Variants in RHOC observed in about 807,000 individuals in gnomAD.
The protein encoded by RHOC is rho-related GTP-binding protein RhoC.
A neutral mutation model predicts 19.5 loss-of-function variants in RHOC; 13 were observed. That is an observed-to-expected ratio of 0.67 (90% CI 0.43 to 1.06). The LOEUF is 1.06. RHOC is among the 50% of genes least tolerant of loss of function. The probability of loss-of-function intolerance (pLI) is 0.00; values close to 1 mark genes in which losing one functional copy is unlikely to be tolerated. For synonymous variants in RHOC, 106 were observed against 97.3 expected (o/e 1.09, Z -0.52); for missense variants, 173 against 256.9 (o/e 0.67, Z 2.23).
chr1:112,705,136 AG>A lies in RHOC; in HGVS notation c.-45del, dbSNP rs1172445337. On this transcript the variant is annotated 5_prime_UTR_variant, in exon 2 of 6. Coordinates refer to ENST00000339083, the MANE Select transcript of RHOC (RefSeq NM_175744.5). ...TGAAGTTCCCAGGCTGCAGGAAGAG[AG>A]GGCGGGCTCTGGAGCTGAGATGAAG... The A allele has an allele frequency of 1.4e-6, 1 of 702,298 alleles. No homozygotes were observed. The highest frequency in any genetic ancestry group is 2.6e-6 in the Non-Finnish European group (1 of 384,838). 43.5% of individuals were successfully genotyped at this position (702,298 alleles called of 1,614,324 possible). A position where few individuals can be genotyped will look rare whatever the true frequency, so the allele number is the denominator to read the frequency against.
In RHOC at chr1:112,701,651, A is replaced by C. The variant is rs569211258; in HGVS notation, c.471T>G (p.Leu157=). The C allele has an allele frequency of 1.2e-5, 20 of 1,614,056 alleles. No individual in the cohort carries two copies. In the African/African-American group the frequency reaches 2.4e-4, roughly 19 times the overall value. The stretch of plus-strand genomic sequence containing the variant: ...CCTCCTTGGTCTTGGCTGAGCACTC[A>C]AGGTAGCCAAAGGCACTGATCCGGT... The part of the protein sequence containing the change: ...MANRISAFGY[L]ECSAKTKEGV... Residue 157 remains leucine (L), a synonymous_variant, in exon 6 of 6, where the codon CTT becomes CTG. Coordinates refer to ENST00000339083, the MANE Select transcript of RHOC (RefSeq NM_175744.5).
chr1:112,706,474 A>C (rs1282626653), intron 1 of RHOC, among the ~76,000 whole-genome samples: 3 of 3,344 alleles, frequency 9.0e-4, no homozygotes, highest in Non-Finnish European at 2.7e-3. Context: ...CCACACACAC[A>C]CACACACACA....
intron 4 of RHOC, 40 bp from the exon 5 acceptor site, chr1:112,702,733 T>G: frequency 6.2e-7 from 1 of 1,612,382 alleles, no homozygotes; most frequent in Non-Finnish European, 8.5e-7. Context: ...TGCCTCCACT[T>G]AAGCTAGAAA....
intron 1 of RHOC, among the ~76,000 whole-genome samples, chr1:112,706,447 ACACACACACACACACAC>A: frequency 6.0e-5 from 2 of 33,516 alleles, no homozygotes; most frequent in African/African-American, 1.7e-4. Context: ...ACACACACAC[ACACACACACACACACAC>A]CACACACACA....
chr1:112,702,037 C>T (rs1233537658), intron 5 of RHOC, among the ~76,000 whole-genome samples: 1 of 152,194 alleles, frequency 6.6e-6, no homozygotes, highest in Non-Finnish European at 1.5e-5. Context: ...AACACACAGA[C>T]CTAACATCTC....
rs1674795419 is a variant in RHOC, at chr1:112,705,116, T to C, written c.-24A>G. 2.8e-6 allele frequency: 2 copies of C among 702,328 alleles called. No homozygotes were observed. Among genetic ancestry groups the C allele is most frequent in the Non-Finnish European group, 5.2e-6 (2 of 384,796 alleles). 43.5% of individuals were successfully genotyped at this position (702,328 alleles called of 1,614,324 possible). On this transcript the variant is annotated 5_prime_UTR_variant, in exon 2 of 6. Coordinates refer to ENST00000339083, the MANE Select transcript of RHOC (RefSeq NM_175744.5). ...GGAACTGACCTCCAGCCGGCTGAAGTTCCCAGGCTGCAGGAAGAGAGGGCG... is the reference window on the plus strand; with the variant it reads ...GGAACTGACCTCCAGCCGGCTGAAGCTCCCAGGCTGCAGGAAGAGAGGGCG...
Position 112,706,504 on chromosome 1 carries a change from A to C in RHOC, c.-77+574T>G, listed in dbSNP as rs917423405. ...CACACACACACACACACACACACACACACACACACACACACACACACACAC... is the reference window on the plus strand; with the variant it reads ...CACACACACACACACACACACACACCCACACACACACACACACACACACAC... On this transcript the variant is annotated intron_variant, in intron 1 of 5. Transcript: ENST00000339083. Among the ~76,000 whole-genome samples, 141 of 66,294 alleles carry C rather than the reference A, an allele frequency of 2.1e-3. 3 individuals are homozygous for C. Among genetic ancestry groups the C allele is most frequent in the Admixed American group, 3.0e-3 (16 of 5,400 alleles). 43.5% of individuals were successfully genotyped at this position (66,294 alleles called of 152,430 possible). A position where few individuals can be genotyped will look rare whatever the true frequency, so the allele number is the denominator to read the frequency against.
chr1:112,706,515 C>CAA (rs1674894701), intron 1 of RHOC, among the ~76,000 whole-genome samples: 15 of 93,532 alleles, frequency 1.6e-4, no homozygotes, highest in African/African-American at 3.0e-4. Context: ...CACACACACA[C>CAA]ACACACACAC....
chr1:112,702,439 C>G, intron 5 of RHOC, 124 bp downstream of exon 5: 1 of 1,053,428 alleles, frequency 9.5e-7, no homozygotes, highest in African/African-American at 1.6e-5. Context: ...TCCTCCCTCA[C>G]CAGGAGATAT....
intron 1 of RHOC, among the ~76,000 whole-genome samples, chr1:112,706,489 CACACACACA>C (rs1557780782): frequency 0.019 from 569 of 29,370 alleles, 32 homozygotes; most frequent in Middle Eastern, 0.091. Flanking sequence ...CACACACACA[CACACACACA>C]CACACACACA....
chr1:112,706,620 G>C (rs1299617111), intron 1 of RHOC: 1 of 152,258 alleles, frequency 6.6e-6, no homozygotes, highest in Non-Finnish European at 1.5e-5. Flanking sequence ...AGACCCTGCC[G>C]AGCAGTGGCA....
rs749257758 is a variant in RHOC, at chr1:112,701,736, G to A, written c.409-23C>T. 8.1e-6 allele frequency: 13 copies of A among 1,612,698 alleles called. No individual in the cohort carries two copies. In the South Asian group the frequency reaches 1.1e-4, roughly 14 times the overall value. On this transcript the variant is annotated intron_variant, in intron 5 of 5. Coordinates refer to ENST00000339083, the MANE Select transcript of RHOC (RefSeq NM_175744.5). ...CTCCTGAGAAGACATAAGATGAGGG[G>A]TCAAAGGAAGCTGTTGACTACATGA... is the stretch of plus-strand genomic sequence containing the variant.
At chr1:112,704,920 C>T in intron 2 of RHOC, 180 bp downstream of exon 2, 1 of 611,980 alleles carries the variant, frequency 1.6e-6, no homozygotes, top group Non-Finnish European at 2.9e-6. Flanking sequence ...CAGCCCCTTC[C>T]TCCCTCAGTC....
intron 1 of RHOC, chr1:112,705,648 A>AAG: frequency 2.2e-6 from 1 of 456,766 alleles, no homozygotes; most frequent in South Asian, 1.5e-5. Context: ...ATCCTCCAAA[A>AAG]AGAGGGTTCC....
chr1:112,706,430 T>TACACACACACACACACAC (rs149206424), intron 1 of RHOC, among the ~76,000 whole-genome samples: 767 of 49,680 alleles, frequency 0.015, 65 homozygotes, highest in Non-Finnish European at 0.018. Flanking sequence ...TCTCTCTCTC[T>TACACACACACACACACAC]ACACACACAC....
chr1:112,701,835 C>G, intron 5 of RHOC, 122 bp from the exon 6 acceptor site: 2 of 1,012,268 alleles, frequency 2.0e-6, no homozygotes, highest in South Asian at 3.0e-5. Flanking sequence ...CCAGAAAGCG[C>G]CCAGGCCCCA....
At chr1:112,702,315 C>T (rs1674677568) in intron 5 of RHOC, among the ~76,000 whole-genome samples, 1 of 152,154 alleles carries the variant, frequency 6.6e-6, no homozygotes, top group Non-Finnish European at 1.5e-5. Context: ...TCTTAATCAT[C>T]TTAATAGTCC....
chr1:112,706,426 T>TACACACACACA (rs1557780339), intron 1 of RHOC, among the ~76,000 whole-genome samples: 7 of 54,800 alleles, frequency 1.3e-4, no homozygotes, highest in Non-Finnish European at 2.3e-4. Flanking sequence ...TCTCTCTCTC[T>TACACACACACA]CTCTACACAC....
intron 1 of RHOC, chr1:112,705,590 C>G: frequency 2.2e-6 from 1 of 464,378 alleles, no homozygotes; most frequent in Non-Finnish European, 4.3e-6. Flanking sequence ...AGAAGACAAG[C>G]AAGAAGGCAT....
Sources: allele counts gnomAD v4.1 joint callset (sites outside exome capture counted in the v4.1 genomes callset), GRCh38; gene constraint gnomAD v4.1.1; transcripts MANE v1.5; gene names NCBI Gene and HGNC (gene_info 2026-07-23, HGNC 2026-07-21).